Variants in TMEM117 observed in about 807,000 individuals in gnomAD.
TMEM117 encodes the protein transmembrane protein 117.
A neutral mutation model predicts 52.4 loss-of-function variants in TMEM117; 27 were observed. The ratio of observed to expected loss-of-function variants is 0.51; its 90% confidence interval spans 0.38 to 0.71. The LOEUF (loss-of-function observed/expected upper bound fraction) is 0.71. TMEM117 is among the 30% of genes least tolerant of loss of function. The pLI, the probability that TMEM117 is intolerant of heterozygous loss-of-function variation, is 0.00. For missense variants in TMEM117, 556 were observed against 630.5 expected (o/e 0.88, Z 1.26); for synonymous variants, 215 against 206.3 (o/e 1.04, Z -0.36).
chr12:44,128,076 GT>G (rs1233260220), intron 3 of TMEM117, among the ~76,000 whole-genome samples: 1 of 152,196 alleles, frequency 6.6e-6, no homozygotes. Flanking sequence ...TCCCATTTCA[GT>G]TCTCATTTCA....
At chr12:44,300,649 A>T (rs1241125255) in intron 6 of TMEM117, among the ~76,000 whole-genome samples, 14 of 138,660 alleles carry the variant, frequency 1.0e-4, no homozygotes, top group Non-Finnish European at 2.0e-4. Flanking sequence ...GATTTTTTTT[A>T]AATTTGTTAA....
intron 3 of TMEM117, among the ~76,000 whole-genome samples, chr12:44,121,274 A>G (rs1948229853): frequency 1.3e-5 from 2 of 152,156 alleles, no homozygotes. Context: ...CAATGTCTAA[A>G]AGTATCTTTT....
At chr12:44,013,302 C>T (rs972855971) in intron 3 of TMEM117, among the ~76,000 whole-genome samples, 9 of 152,172 alleles carry the variant, frequency 5.9e-5, no homozygotes, top group African/African-American at 2.2e-4. Flanking sequence ...GCTGGGATTA[C>T]AGGTGTAAGT....
At chr12:43,909,585 A>G (rs1565745984) in intron 2 of TMEM117, among the ~76,000 whole-genome samples, 3 of 150,692 alleles carry the variant, frequency 2.0e-5, no homozygotes, top group East Asian at 2.0e-4. Flanking sequence ...GATCAACAAA[A>G]TTGATAGACC....
Position 44,091,161 on chromosome 12 carries a change from A to T in TMEM117, c.411-52364A>T, listed in dbSNP as rs190371429. On this transcript the variant is annotated intron_variant, in intron 3 of 7. Transcript: ENST00000266534. ...GTGGCGGCAAGAGAAAAAGAGAATGATGCAAAAGTGGAAACCCCTGATAAA... is the reference window on the plus strand; with the variant it reads ...GTGGCGGCAAGAGAAAAAGAGAATGTTGCAAAAGTGGAAACCCCTGATAAA... Among the ~76,000 whole-genome samples, 198 of 152,220 alleles carry T rather than the reference A, an allele frequency of 1.3e-3. 4 individuals carry two copies. The East Asian group carries it at 0.034, about 26-fold the overall frequency.
intron 7 of TMEM117, among the ~76,000 whole-genome samples, chr12:44,385,513 A>C (rs997694996): frequency 6.6e-6 from 1 of 151,994 alleles, no homozygotes; most frequent in African/African-American, 2.4e-5. Context: ...AGGCAGGAGG[A>C]TTGTTTTGTC....
At chr12:43,978,906 G>A (rs1301687784) in intron 3 of TMEM117, among the ~76,000 whole-genome samples, 1 of 151,210 alleles carries the variant, frequency 6.6e-6, no homozygotes, top group East Asian at 1.9e-4. Context: ...TAATCTTGTT[G>A]GGGAATGTTT....
At chr12:44,380,357 A>G (rs1425949496) in intron 7 of TMEM117, among the ~76,000 whole-genome samples, 2 of 152,080 alleles carry the variant, frequency 1.3e-5, no homozygotes, top group Non-Finnish European at 2.9e-5. Flanking sequence ...AGAACCCCAG[A>G]CGGCTCCCTC....
At chr12:44,127,934 A>G (rs980352536) in intron 3 of TMEM117, among the ~76,000 whole-genome samples, 1 of 152,116 alleles carries the variant, frequency 6.6e-6, no homozygotes, top group East Asian at 1.9e-4. Flanking sequence ...CTATCTGTCT[A>G]TTTCATCATC....
intron 4 of TMEM117, among the ~76,000 whole-genome samples, chr12:44,202,070 T>G (rs1276882989): frequency 6.6e-6 from 1 of 151,856 alleles, no homozygotes; most frequent in Non-Finnish European, 1.5e-5. Context: ...ATATAAGATA[T>G]TCAAAGAGTT....
At chr12:44,283,228 G>T (rs1950599520) in intron 5 of TMEM117, among the ~76,000 whole-genome samples, 1 of 152,214 alleles carries the variant, frequency 6.6e-6, no homozygotes, top group South Asian at 2.1e-4. Flanking sequence ...AGTCCCTACT[G>T]GGGCACTGCC....
Position 44,388,375 on chromosome 12 carries a change from A to G in TMEM117, c.1248A>G (p.Arg416=). Residue 416 remains arginine (R), a synonymous_variant, in exon 8 of 8, where the codon CGA becomes CGG. Coordinates refer to ENST00000266534, the MANE Select transcript of TMEM117 (RefSeq NM_032256.3). Reference sequence around the variant, plus strand: ...GATTCTTTATTTGGTTCTTTGGACGATTTTTGAAAAATGAGCCACGCATGG... The same window carrying G: ...GATTCTTTATTTGGTTCTTTGGACGGTTTTTGAAAAATGAGCCACGCATGG... ...WFGFFIWFFG[R]FLKNEPRMEN... is the part of the protein sequence containing the mutation. 1 of 1,613,500 alleles carries G rather than the reference A, an allele frequency of 6.2e-7. No individual in the cohort carries two copies. The highest frequency in any genetic ancestry group is 1.1e-5 in the South Asian group (1 of 91,080).
chr12:44,367,225 A>G (rs2138824798), intron 6 of TMEM117, among the ~76,000 whole-genome samples: 1 of 152,144 alleles, frequency 6.6e-6, no homozygotes, highest in South Asian at 2.1e-4. Context: ...TATTTCCTCT[A>G]CTTCTCACCT....
At chr12:44,198,390 A>G (rs1200299560) in intron 4 of TMEM117, among the ~76,000 whole-genome samples, 1 of 152,220 alleles carries the variant, frequency 6.6e-6, no homozygotes, top group Non-Finnish European at 1.5e-5. Context: ...CAAAATTACC[A>G]ACAAAGCAGG....
intron 2 of TMEM117, among the ~76,000 whole-genome samples, chr12:43,864,123 C>G (rs960610160): frequency 2.0e-5 from 3 of 152,182 alleles, no homozygotes; most frequent in African/African-American, 4.8e-5. Flanking sequence ...CTTTAGCTGC[C>G]TCCCTGGGGG....
Position 44,389,217 on chromosome 12 carries a change from T to G in TMEM117, c.*545T>G, listed in dbSNP as rs1952138633. On this transcript the variant is annotated 3_prime_UTR_variant, in exon 8 of 8. Coordinates refer to ENST00000266534, the MANE Select transcript of TMEM117 (RefSeq NM_032256.3). ...AAACATGGTGATCACCTTTTAATTT[T>G]TATTGGCTGTCTGCCAAATATAAAT... The G allele has an allele frequency of 6.5e-6, 1 of 154,606 alleles. No individual in the cohort carries two copies. The highest frequency in any genetic ancestry group is 2.0e-4 in the South Asian group (1 of 5,006). 9.6% of individuals were successfully genotyped at this position (154,606 alleles called of 1,614,324 possible).
At chr12:44,381,703 G>T (rs1002718504) in intron 7 of TMEM117, among the ~76,000 whole-genome samples, 3 of 152,182 alleles carry the variant, frequency 2.0e-5, no homozygotes, top group African/African-American at 4.8e-5. Context: ...CCTGTGTTGT[G>T]TGAGGGTACA....
chr12:44,034,063 T>G (rs1025813373), intron 3 of TMEM117, among the ~76,000 whole-genome samples: 3 of 152,210 alleles, frequency 2.0e-5, no homozygotes, highest in Non-Finnish European at 4.4e-5. Flanking sequence ...GTTAATTTTG[T>G]AGAGCATTTT....
chr12:44,166,813 C>A (rs1328261734), intron 4 of TMEM117, among the ~76,000 whole-genome samples: 1 of 152,146 alleles, frequency 6.6e-6, no homozygotes, highest in Non-Finnish European at 1.5e-5. Context: ...TCCAAGTATT[C>A]CTGTCTCTGA....
Sources: allele counts gnomAD v4.1 joint callset (sites outside exome capture counted in the v4.1 genomes callset), GRCh38; gene constraint gnomAD v4.1.1; transcripts MANE v1.5; gene names NCBI Gene and HGNC (gene_info 2026-07-23, HGNC 2026-07-21).